The following PCDHGB3 variants were observed in gnomAD, a reference collection of about 807,000 sequenced individuals.
The protein encoded by PCDHGB3 is protocadherin gamma subfamily B, 3.
Under a neutral mutation model 59.2 loss-of-function variants are expected in PCDHGB3, and 40 were observed. The ratio of observed to expected loss-of-function variants is 0.68; its 90% CI spans 0.52 to 0.88. The LOEUF (loss-of-function observed/expected upper bound fraction) is 0.88, where lower values mean the gene tolerates loss of function less well. Among genes scored for constraint, PCDHGB3 ranks in the 40% least tolerant of loss-of-function variants. The pLI is 0.00. For missense variants in PCDHGB3, 1,309 were observed against 1,187.9 expected (o/e 1.10, Z -1.50); for synonymous variants, 581 against 503.6 (o/e 1.15, Z -2.06).
At chr5:141,415,502 A>C (rs1162629839) in intron 1 of PCDHGB3, 6 of 1,614,086 alleles carry the variant, frequency 3.7e-6, no homozygotes, top group Admixed American at 1.7e-5. Flanking sequence ...ATCTTCCCCC[A>C]GCCCAATTAT....
chr5:141,421,380 G>A, intron 1 of PCDHGB3: 1 of 1,614,064 alleles, frequency 6.2e-7, no homozygotes, highest in Non-Finnish European at 8.5e-7. Context: ...ATATCTCCAA[G>A]GACCTGGGGC....
chr5:141,476,912 G>A lies in PCDHGB3; in HGVS notation c.2416-17895G>A, dbSNP rs1196222770. 1.9e-6 allele frequency: 3 copies of A among 1,614,098 alleles called. No homozygotes were observed. Among genetic ancestry groups the A allele is most frequent in the Non-Finnish European group, 2.5e-6 (3 of 1,180,048 alleles). On this transcript the variant is annotated intron_variant, in intron 1 of 3. Coordinates refer to ENST00000576222, the MANE Select transcript of PCDHGB3 (RefSeq NM_018924.5). The surrounding 1 kb of genome is among the most constrained non-coding windows in gnomAD (Gnocchi z 7.6). Reference sequence around the variant, plus strand: ...ACCCTCCGGCACGCGCGTGGTACAAGTCCTTGCAACGGATCTGGATGAAGG... The same window carrying A: ...ACCCTCCGGCACGCGCGTGGTACAAATCCTTGCAACGGATCTGGATGAAGG...
At chr5:141,383,287 G>T (rs753501762) in intron 1 of PCDHGB3, 3 of 1,613,916 alleles carry the variant, frequency 1.9e-6, no homozygotes, top group Non-Finnish European at 1.7e-6. Flanking sequence ...TAATGACAAC[G>T]TTCCAAGATT....
At chr5:141,478,759 A>G in intron 1 of PCDHGB3, 2 of 1,514,800 alleles carry the variant, frequency 1.3e-6, no homozygotes, top group African/African-American at 1.4e-5. Flanking sequence ...GGGGGAAGAT[A>G]CTTGACTCAT....
rs199507728 is a variant in PCDHGB3, at chr5:141,422,807, G to A, written c.2415+49998G>A. On this transcript the variant is annotated intron_variant, in intron 1 of 3. Coordinates refer to ENST00000576222, the MANE Select transcript of PCDHGB3 (RefSeq NM_018924.5). ...CAATCCTTCGACTATGAGCAGTTTC[G>A]AGACTTAGAACTGAGAGTGATAGCA... 1.9e-3 allele frequency: 3,146 copies of A among 1,614,198 alleles called. 36 individuals are homozygous for A. The highest frequency in any genetic ancestry group is 0.018 in the South Asian group (1,680 of 91,084).
At position 141,400,246 on chromosome 5, in the gene PCDHGB3, G is replaced by A. The variant is rs373890751; in HGVS notation, c.2415+27437G>A. On this transcript the variant is annotated intron_variant, in intron 1 of 3. Transcript: ENST00000576222. Reference sequence around the variant, plus strand: ...CTTCCTCCTGGCCGTGATTCTGGCCGTTGCCTTGCGCCTGCGACGCTCCTC... The same window carrying A: ...CTTCCTCCTGGCCGTGATTCTGGCCATTGCCTTGCGCCTGCGACGCTCCTC... 5.0e-5 allele frequency: 81 copies of A among 1,613,984 alleles called. No homozygotes were observed. The African/African-American group carries it at 6.0e-4, about 12-fold the overall frequency.
At chr5:141,373,389 A>G (rs1769537538) in intron 1 of PCDHGB3, among the ~76,000 whole-genome samples, 1 of 152,210 alleles carries the variant, frequency 6.6e-6, no homozygotes, top group South Asian at 2.1e-4. Context: ...GTGTTTGTGT[A>G]GCATATGCCT....
rs2099749948 is a variant in PCDHGB3 at position 141,493,762 on chromosome 5, C to T, written c.2416-1045C>T. Among the ~76,000 whole-genome samples the T allele has an allele frequency of 1.3e-5, 2 of 152,130 alleles. No homozygotes were observed. Among genetic ancestry groups the T allele is most frequent in the South Asian group, 4.1e-4 (2 of 4,830 alleles). Reference sequence around the variant, plus strand: ...TGCCACCTGTGAGCCTTGAGTGAGCCACTGGCAGTTCCGGAGCTTCCTTCT... The same window carrying T: ...TGCCACCTGTGAGCCTTGAGTGAGCTACTGGCAGTTCCGGAGCTTCCTTCT... On this transcript the variant is annotated intron_variant, in intron 1 of 3. Transcript: ENST00000576222. The surrounding 1 kb of genome is among the most constrained non-coding windows in gnomAD (Gnocchi z 4.3).
chr5:141,491,143 C>A lies in PCDHGB3; in HGVS notation c.2416-3664C>A. 1.2e-6 allele frequency: 2 copies of A among 1,614,142 alleles called. No homozygotes were observed. Among genetic ancestry groups the A allele is most frequent in the South Asian group, 1.1e-5 (1 of 91,082 alleles). On this transcript the variant is annotated intron_variant, in intron 1 of 3. Transcript: ENST00000576222. This position sits in a 1 kb window ranked among gnomAD's most constrained non-coding sequence, Gnocchi z 6.9. ...TGAGGTGCGCACAGCCCGGGCCTTA[C>A]TGGAGGATGACTCTGACACCCAGCA... is the stretch of plus-strand genomic sequence containing the variant.
At position 141,490,908 on chromosome 5, in the gene PCDHGB3, C is replaced by G; in HGVS notation, c.2416-3899C>G. On this transcript the variant is annotated intron_variant, in intron 1 of 3. Transcript: ENST00000576222. This position sits in a 1 kb window ranked among gnomAD's most constrained non-coding sequence, Gnocchi z 5.4. ...CATCTCTGCATGTGTTTGTCCTAGA[C>G]GAGAATGATAATGCCCCAGCTGTGC... The G allele has an allele frequency of 6.2e-7, 1 of 1,613,710 alleles. No individual in the cohort carries two copies. Among genetic ancestry groups the G allele is most frequent in the Non-Finnish European group, 8.5e-7 (1 of 1,179,754 alleles).
intron 1 of PCDHGB3, among the ~76,000 whole-genome samples, chr5:141,430,380 TG>T (rs1376875091): frequency 6.8e-6 from 1 of 147,890 alleles, no homozygotes; most frequent in Non-Finnish European, 1.5e-5. Flanking sequence ...AAAAGCTCAT[TG>T]GGAAAAAAAA....
rs1390441638 is a variant in PCDHGB3, at chr5:141,432,562, C to T, written c.2415+59753C>T. 1.9e-6 allele frequency: 3 copies of T among 1,613,964 alleles called. No individual in the cohort carries two copies. Among genetic ancestry groups the T allele is most frequent in the Non-Finnish European group, 2.5e-6 (3 of 1,180,004 alleles). On this transcript the variant is annotated intron_variant, in intron 1 of 3. Coordinates refer to ENST00000576222, the MANE Select transcript of PCDHGB3 (RefSeq NM_018924.5). This position sits in a 1 kb window ranked among gnomAD's most constrained non-coding sequence, Gnocchi z 6.0. ...CGGTGGACAGAGACTCCGGCCAGAA[C>T]GCCTGGCTGTCCTACCGTCTGCTCA...
intron 1 of PCDHGB3, chr5:141,384,223 G>A (rs1779858487): frequency 6.2e-7 from 1 of 1,613,742 alleles, no homozygotes; most frequent in African/African-American, 1.3e-5. Context: ...ATTCATGCAG[G>A]TGGCAGACAC....
intron 1 of PCDHGB3, among the ~76,000 whole-genome samples, chr5:141,460,987 ATATATATATGTG>A (rs2099005819): frequency 1.1e-5 from 1 of 92,944 alleles, no homozygotes; most frequent in Admixed American, 9.9e-5. Flanking sequence ...GTGTGTGTAT[ATATATATATGTG>A]TATATATATA....
At chr5:141,454,267 A>G (rs1270638226) in intron 1 of PCDHGB3, among the ~76,000 whole-genome samples, 1 of 152,254 alleles carries the variant, frequency 6.6e-6, no homozygotes, top group Non-Finnish European at 1.5e-5. Context: ...AAGTAATGCC[A>G]GCAAAAACTT....
chr5:141,500,461 G>A (rs1343646600), intron 2 of PCDHGB3, among the ~76,000 whole-genome samples: 1 of 151,910 alleles, frequency 6.6e-6, no homozygotes, highest in Non-Finnish European at 1.5e-5. Flanking sequence ...CGCCCGCCTC[G>A]GCCTCCCAAA....
In PCDHGB3 at chr5:141,477,244, G is replaced by T. The variant is rs367944211; in HGVS notation, c.2416-17563G>T. On this transcript the variant is annotated intron_variant, in intron 1 of 3. Coordinates refer to ENST00000576222, the MANE Select transcript of PCDHGB3 (RefSeq NM_018924.5). The surrounding 1 kb of genome is among the most constrained non-coding windows in gnomAD (Gnocchi z 4.9). ...GGACTGTCATCGCTTTGCTCAGTGT[G>T]ACTGACCTGGATGCTGGCGAGAACG... 9 of 1,614,190 alleles carry T rather than the reference G, an allele frequency of 5.6e-6. No homozygotes were observed. Among genetic ancestry groups the T allele is most frequent in the Non-Finnish European group, 7.6e-6 (9 of 1,180,052 alleles).
chr5:141,435,334 T>A (rs1223377462), intron 1 of PCDHGB3, among the ~76,000 whole-genome samples: 1 of 152,196 alleles, frequency 6.6e-6, no homozygotes, highest in African/African-American at 2.4e-5. Flanking sequence ...ATATAGTGAA[T>A]TTATTTCTTC....
Position 141,370,473 on chromosome 5 carries a change from C to A in PCDHGB3, c.79C>A (p.Gln27Lys). The A allele has an allele frequency of 6.2e-7, 1 of 1,613,496 alleles. No individual in the cohort carries two copies. The highest frequency in any genetic ancestry group is 8.5e-7 in the Non-Finnish European group (1 of 1,179,682). ...LFLFLLSLLD[Q>K]ALSEPIRYAI... Reference sequence around the variant, plus strand: ...TCTCTTCCTGCTCTCTTTGTTAGACCAGGCTCTCTCCGAACCGATCCGCTA... The same window carrying A: ...TCTCTTCCTGCTCTCTTTGTTAGACAAGGCTCTCTCCGAACCGATCCGCTA... The change falls in exon 1 of 4, where the codon CAG becomes AAG. Residue 27 changes from glutamine (Q) to lysine (K), a missense_variant. Gln to Lys is a moderately conservative substitution (Grantham distance 53). Transcript: ENST00000576222.
Sources: gnomAD v4.1 joint callset for allele counts (sites outside exome capture counted in the v4.1 genomes callset) on GRCh38, gnomAD v4.1.1 for gene constraint, Gnocchi (gnomAD v3.1) non-coding constraint, MANE v1.5 for transcripts, NCBI Gene and HGNC (gene_info 2026-07-23, HGNC 2026-07-21) for gene names.